Variants in ANKRD16 observed in about 807,000 individuals in gnomAD.
ANKRD16 encodes ankyrin repeat domain-containing protein 16.
Under a neutral mutation model 37.9 loss-of-function variants are expected in ANKRD16, and 35 were observed. The ratio of observed to expected loss-of-function variants is 0.92; its 90% CI spans 0.71 to 1.23. ANKRD16 has a LOEUF of 1.23. Among genes scored for constraint, ANKRD16 ranks in the 50% most tolerant of loss-of-function variants. The pLI, the probability that ANKRD16 is intolerant of heterozygous loss-of-function variation, is 0.00. For missense variants in ANKRD16, 480 were observed against 469.9 expected (o/e 1.02, Z -0.20); for synonymous variants, 206 against 197.2 (o/e 1.04, Z -0.37).
Position 5,869,840 on chromosome 10 carries a change from G to C in ANKRD16, c.*34-7149C>G, listed in dbSNP as rs910987955. 1.3e-5 allele frequency among the ~76,000 whole-genome samples: 2 copies of C among 152,084 alleles called. No individual in the cohort carries two copies. Among genetic ancestry groups the C allele is most frequent in the Admixed American group, 1.3e-4 (2 of 15,262 alleles). On this transcript the variant is annotated intron_variant, in intron 7 of 7. Coordinates refer to ENST00000380094, the MANE Select transcript of ANKRD16 (RefSeq NM_019046.3). The surrounding 1 kb of genome is among the most constrained non-coding windows in gnomAD (Gnocchi z 4.0). ...AATTTCAACTTTTATTTTAAATACA[G>C]GGGGTACATGTGCAGGTTTGTTACC... is the stretch of plus-strand genomic sequence containing the variant.
rs767098089 is a variant in ANKRD16 at position 5,869,953 on chromosome 10, G to A, written c.*34-7262C>T. ...TAGGTAGTTTTTTTGACTGGCCCCC[G>A]CACCCCTGGACTCTCTCCCTCTGAG... On this transcript the variant is annotated intron_variant, in intron 7 of 7. Coordinates refer to ENST00000380094, the MANE Select transcript of ANKRD16 (RefSeq NM_019046.3). This position sits in a 1 kb window ranked among gnomAD's most constrained non-coding sequence, Gnocchi z 4.0. 1.3e-5 allele frequency among the ~76,000 whole-genome samples: 2 copies of A among 151,798 alleles called. No homozygotes were observed. Among genetic ancestry groups the A allele is most frequent in the South Asian group, 2.1e-4 (1 of 4,812 alleles).
At chr10:5,883,481 A>G (rs1842354416) in intron 4 of ANKRD16, among the ~76,000 whole-genome samples, 1 of 152,102 alleles carries the variant, frequency 6.6e-6, no homozygotes, top group Admixed American at 6.6e-5. Context: ...TTTTTAGTAG[A>G]GATGGGTTTT....
At chr10:5,887,707 C>CCCCAA in intron 2 of ANKRD16, 140 bp downstream of exon 2, 1 of 191,100 alleles carries the variant, frequency 5.2e-6, no homozygotes, top group Non-Finnish European at 1.1e-5. Flanking sequence ...CCCCTCCCCC[C>CCCCAA]CAGATGTTCT....
rs1842082465 is a variant in ANKRD16 at position 5,871,100 on chromosome 10, C to T, written c.*33+6997G>A. 6.6e-6 allele frequency among the ~76,000 whole-genome samples: 1 copy of T among 152,166 alleles called. No individual in the cohort carries two copies. The highest frequency in any genetic ancestry group is 2.4e-5 in the African/African-American group (1 of 41,440). ...GTTTCCTTCTCAGTAAAAATCATGTCACGCAGCCAGGCTTGGTGGTTCACG... is the reference window on the plus strand; with the variant it reads ...GTTTCCTTCTCAGTAAAAATCATGTTACGCAGCCAGGCTTGGTGGTTCACG... On this transcript the variant is annotated intron_variant, in intron 7 of 7. Coordinates refer to ENST00000380094, the MANE Select transcript of ANKRD16 (RefSeq NM_019046.3). The surrounding 1 kb of genome is among the most constrained non-coding windows in gnomAD (Gnocchi z 4.5).
rs1842342150 is a variant in ANKRD16 at position 5,882,940 on chromosome 10, G to A, written c.849+66C>T. ...GGGGTCAAAGAAACCAGGCTGCAGA[G>A]CTACTGATCAAAGAAGTAAGGCAAG... On this transcript the variant is annotated intron_variant, in intron 5 of 7. Transcript: ENST00000380094. The A allele has an allele frequency of 4.5e-6, 7 of 1,547,186 alleles. No homozygotes were observed. The East Asian group carries it at 1.6e-4, about 35-fold the overall frequency.
At chr10:5,886,055 T>A (rs900400175) in intron 2 of ANKRD16, among the ~76,000 whole-genome samples, 1 of 152,218 alleles carries the variant, frequency 6.6e-6, no homozygotes, top group Non-Finnish European at 1.5e-5. Context: ...GTGCTGTGGA[T>A]CCCCAAGACT....
intron 7 of ANKRD16, among the ~76,000 whole-genome samples, chr10:5,872,620 G>C (rs191586065): frequency 1.4e-4 from 21 of 151,826 alleles, no homozygotes; most frequent in Non-Finnish European, 2.8e-4. Context: ...GCAGTGGCGC[G>C]ATCTCAGCTC....
At chr10:5,886,780 CTAAT>C (rs1842430093) in intron 2 of ANKRD16, among the ~76,000 whole-genome samples, 1 of 152,162 alleles carries the variant, frequency 6.6e-6, no homozygotes, top group Non-Finnish European at 1.5e-5. Flanking sequence ...TTACTTTTTA[CTAAT>C]TGTTTTCTTT....
chr10:5,884,148 A>ATCACATGCAGT, intron 3 of ANKRD16, 71 bp from the exon 4 acceptor site: 1 of 1,154,484 alleles, frequency 8.7e-7, no homozygotes, highest in Non-Finnish European at 1.3e-6. Context: ...TTGACACCTG[A>ATCACATGCAGT]TCACCTGCAG....
rs570871612 is a variant in ANKRD16, at chr10:5,863,124, C to G, written c.*34-433G>C. On this transcript the variant is annotated intron_variant, in intron 7 of 7. Transcript: ENST00000380094. This position sits in a 1 kb window ranked among gnomAD's most constrained non-coding sequence, Gnocchi z 4.7. ...CCATGGGCTTTCAACACGAGGCCTC[C>G]CCAACGCAGTGTCCACACCAGCATT... Among the ~76,000 whole-genome samples the G allele has an allele frequency of 2.0e-5, 3 of 152,092 alleles. No individual in the cohort carries two copies. The East Asian group carries it at 5.8e-4, about 29-fold the overall frequency.
Position 5,885,735 on chromosome 10 carries a change from A to C in ANKRD16, c.566T>G (p.Val189Gly), listed in dbSNP as rs1270294215. The C allele has an allele frequency of 7.5e-6, 12 of 1,609,078 alleles. No individual in the cohort carries two copies. The highest frequency in any genetic ancestry group is 1.3e-5 in the African/African-American group (1 of 74,646). Reference sequence around the variant, plus strand: ...GTATTGTTCTTACCTCTTAAGAAGCACCTTGACTGCCTCCAAATGGCCATG... The same window carrying C: ...GTATTGTTCTTACCTCTTAAGAAGCCCCTTGACTGCCTCCAAATGGCCATG... ...AMHGHLEAVK[V>G]LLKRCQYEPD... The change falls in exon 3 of 8, where the codon GTG becomes GGG. Residue 189 changes from valine (V) to glycine (G), a missense_variant. Val to Gly is a moderately radical substitution (Grantham distance 109). Coordinates refer to ENST00000380094, the MANE Select transcript of ANKRD16 (RefSeq NM_019046.3).
chr10:5,880,243 T>A, intron 6 of ANKRD16, 55 bp downstream of exon 6: 2 of 801,128 alleles, frequency 2.5e-6, no homozygotes, highest in South Asian at 2.0e-5. Flanking sequence ...TATAAAAGTG[T>A]ATTGGTTATA....
Position 5,862,543 on chromosome 10 carries a change from T to G in ANKRD16, c.*182A>C, listed in dbSNP as rs1375997504. 9 of 1,222,086 alleles carry G rather than the reference T, an allele frequency of 7.4e-6. No individual in the cohort carries two copies. The highest frequency in any genetic ancestry group is 9.7e-6 in the Non-Finnish European group (9 of 929,994). The allele number at this position is 1,222,086 out of a possible 1,614,324, so 75.7% of individuals were successfully genotyped here. A position where few individuals can be genotyped will look rare whatever the true frequency, so the allele number is the denominator to read the frequency against. On this transcript the variant is annotated 3_prime_UTR_variant, in exon 8 of 8. Coordinates refer to ENST00000380094, the MANE Select transcript of ANKRD16 (RefSeq NM_019046.3). This position sits in a 1 kb window ranked among gnomAD's most constrained non-coding sequence, Gnocchi z 6.5. ...GCAGATGTGGCACTGACTTCACCAC[T>G]GGTACACCTCAGATATACAACTTTG... is the stretch of plus-strand genomic sequence containing the variant.
Position 5,874,032 on chromosome 10 carries a change from A to G in ANKRD16, c.*33+4065T>C, listed in dbSNP as rs1383800417. On this transcript the variant is annotated intron_variant, in intron 7 of 7. Coordinates refer to ENST00000380094, the MANE Select transcript of ANKRD16 (RefSeq NM_019046.3). This position sits in a 1 kb window ranked among gnomAD's most constrained non-coding sequence, Gnocchi z 4.7. ...CAGCCTCCCAAGTAGCTGGGATTAC[A>G]GGCGGGTGCCACCACGCCTGGCTAA... Among the ~76,000 whole-genome samples the G allele has an allele frequency of 3.9e-5, 6 of 152,008 alleles. No homozygotes were observed. Among genetic ancestry groups the G allele is most frequent in the Non-Finnish European group, 7.4e-5 (5 of 68,014 alleles).
chr10:5,865,745 C>G lies in ANKRD16; in HGVS notation c.*34-3054G>C, dbSNP rs1230041284. Among the ~76,000 whole-genome samples the G allele has an allele frequency of 6.6e-6, 1 of 152,222 alleles. No homozygotes were observed. Among genetic ancestry groups the G allele is most frequent in the Non-Finnish European group, 1.5e-5 (1 of 68,038 alleles). On this transcript the variant is annotated intron_variant, in intron 7 of 7. Transcript: ENST00000380094. This position sits in a 1 kb window ranked among gnomAD's most constrained non-coding sequence, Gnocchi z 4.7. ...TATTAGCCAAAGCTGGAGCTATTAT[C>G]TACATGAATATGGGGAACGAGTTAC...
intron 1 of ANKRD16, among the ~76,000 whole-genome samples, chr10:5,888,733 T>C (rs2131787846): frequency 6.6e-6 from 1 of 152,382 alleles, no homozygotes; most frequent in South Asian, 2.1e-4. Context: ...CCGGAGGCTA[T>C]CTGTATAGTG....
chr10:5,884,968 A>C (rs6602312), intron 3 of ANKRD16, among the ~76,000 whole-genome samples: 68,172 of 151,814 alleles, frequency 0.45, 15,782 homozygotes, highest in Middle Eastern at 0.51. Context: ...CAGCTTAAAC[A>C]CTGGCGCTGA....
At chr10:5,882,065 C>T (rs1241839302) in intron 5 of ANKRD16, among the ~76,000 whole-genome samples, 1 of 152,050 alleles carries the variant, frequency 6.6e-6, no homozygotes, top group African/African-American at 2.4e-5. Flanking sequence ...GCCACTGCGC[C>T]TGGCCTATAA....
Position 5,868,327 on chromosome 10 carries a change from C to T in ANKRD16, c.*34-5636G>A, listed in dbSNP as rs1004356000. Among the ~76,000 whole-genome samples, 3 of 152,148 alleles carry T rather than the reference C, an allele frequency of 2.0e-5. No individual in the cohort carries two copies. The highest frequency in any genetic ancestry group is 4.4e-5 in the Non-Finnish European group (3 of 68,018). On this transcript the variant is annotated intron_variant, in intron 7 of 7. Coordinates refer to ENST00000380094, the MANE Select transcript of ANKRD16 (RefSeq NM_019046.3). This position sits in a 1 kb window ranked among gnomAD's most constrained non-coding sequence, Gnocchi z 4.9. ...CTACAACTGCAGGGACCCTTCTTTG[C>T]CCCTATCCAGCAGGAAGTAGCTAGA...
Sources: allele counts gnomAD v4.1 joint callset (sites outside exome capture counted in the v4.1 genomes callset), GRCh38; gene constraint gnomAD v4.1.1; non-coding constraint Gnocchi (gnomAD v3.1); transcripts MANE v1.5; gene names NCBI Gene and HGNC (gene_info 2026-07-23, HGNC 2026-07-21).